EXOC4: variants seen among roughly 807,000 people sequenced by gnomAD.
EXOC4 encodes exocyst complex component 4, also known as SEC8-like 1.
In EXOC4, 71 loss-of-function variants were observed where a neutral mutation model predicts 107.2. The observed-to-expected ratio is 0.66, with a 90% CI of 0.55 to 0.81. The LOEUF (loss-of-function observed/expected upper bound fraction) is 0.81, where lower values mean the gene tolerates loss of function less well. Ranked by LOEUF, EXOC4 falls within the 30% of genes least tolerant of loss-of-function variation. The probability of loss-of-function intolerance (pLI) is 0.00; values close to 1 mark genes in which losing one functional copy is unlikely to be tolerated. For synonymous variants in EXOC4, 456 were observed against 441.2 expected, an observed-to-expected ratio of 1.03 and a Z score of -0.42; for missense variants, 1,108 against 1,189.6, an observed-to-expected ratio of 0.93 and a Z score of 1.01.
intron 17 of EXOC4, among the ~76,000 whole-genome samples, chr7:134,022,633 T>G (rs562979177): frequency 1.3e-5 from 2 of 152,196 alleles, no homozygotes; most frequent in Non-Finnish European, 2.9e-5. Context: ...TCCAGTAAGA[T>G]CTGTAAAGAT....
At chr7:133,923,379 C>G (rs1799982456) in intron 13 of EXOC4, among the ~76,000 whole-genome samples, 1 of 152,080 alleles carries the variant, frequency 6.6e-6, no homozygotes, top group South Asian at 2.1e-4. Flanking sequence ...CTCGGCCTCC[C>G]TTATAGTGTT....
intron 10 of EXOC4, among the ~76,000 whole-genome samples, chr7:133,639,220 T>C (rs1802787364): frequency 6.6e-6 from 1 of 152,172 alleles, no homozygotes; most frequent in Admixed American, 6.5e-5. Context: ...CTTGTATGAT[T>C]TGGAAAATTA....
chr7:133,774,958 C>T (rs976469578), intron 10 of EXOC4, among the ~76,000 whole-genome samples: 1 of 151,588 alleles, frequency 6.6e-6, no homozygotes, highest in Admixed American at 6.6e-5. Flanking sequence ...GCTAACCTGA[C>T]GAAAGTCTAT....
At chr7:134,008,385 G>A (rs988411775) in intron 17 of EXOC4, among the ~76,000 whole-genome samples, 5 of 152,016 alleles carry the variant, frequency 3.3e-5, no homozygotes, top group Admixed American at 2.0e-4. Context: ...CCTTGAAAAC[G>A]TTACTTTTAA....
intron 11 of EXOC4, among the ~76,000 whole-genome samples, chr7:133,871,304 A>G (rs1410946607): frequency 6.6e-6 from 1 of 151,956 alleles, no homozygotes; most frequent in Admixed American, 6.6e-5. Context: ...AACCAAAAAA[A>G]TCACCACAAA....
chr7:134,019,222 G>A (rs1794974933), intron 17 of EXOC4, among the ~76,000 whole-genome samples: 1 of 152,160 alleles, frequency 6.6e-6, no homozygotes, highest in African/African-American at 2.4e-5. Context: ...GAGGCACAGC[G>A]CCCAGCCACG....
intron 9 of EXOC4, among the ~76,000 whole-genome samples, chr7:133,605,128 ATAG>A (rs1378906762): frequency 1.3e-5 from 2 of 152,160 alleles, no homozygotes; most frequent in African/African-American, 4.8e-5. Context: ...GAGCAGCGAA[ATAG>A]TAGGTGTGTC....
intron 9 of EXOC4, among the ~76,000 whole-genome samples, chr7:133,547,740 T>G (rs897650944): frequency 1.3e-5 from 2 of 152,148 alleles, no homozygotes; most frequent in Non-Finnish European, 2.9e-5. Context: ...TATCATGAGA[T>G]TGTAGCAATT....
chr7:133,592,707 A>T (rs1159363068), intron 9 of EXOC4, among the ~76,000 whole-genome samples: 1 of 152,104 alleles, frequency 6.6e-6, no homozygotes, highest in Non-Finnish European at 1.5e-5. Flanking sequence ...GGTTCAAGCG[A>T]TTCTCCTGCC....
intron 10 of EXOC4, among the ~76,000 whole-genome samples, chr7:133,812,421 C>A (rs1402303645): frequency 1.3e-5 from 2 of 152,194 alleles, no homozygotes; most frequent in East Asian, 1.9e-4. Context: ...CATTCCAGGT[C>A]CAAACTCTGG....
intron 11 of EXOC4, among the ~76,000 whole-genome samples, chr7:133,821,688 G>A (rs767142165): frequency 2.0e-5 from 3 of 151,998 alleles, no homozygotes; most frequent in Non-Finnish European, 4.4e-5. Context: ...CTTACTTTTC[G>A]GTACTGCCTC....
chr7:133,315,374 C>T (rs750172369), intron 4 of EXOC4: 1 of 152,228 alleles, frequency 6.6e-6, no homozygotes, highest in Non-Finnish European at 1.5e-5. Flanking sequence ...ATTGTCGATG[C>T]TCTGGAAAGC....
intron 17 of EXOC4, among the ~76,000 whole-genome samples, chr7:134,032,308 T>G (rs1258113087): frequency 6.6e-6 from 1 of 152,226 alleles, no homozygotes; most frequent in Non-Finnish European, 1.5e-5. Context: ...TTGTCGCTGA[T>G]GTCACTGTCC....
intron 7 of EXOC4, 58 bp from the exon 8 acceptor site, chr7:133,475,270 C>G (rs1320176002): frequency 7.1e-7 from 1 of 1,403,998 alleles, no homozygotes; most frequent in Non-Finnish European, 9.9e-7. Flanking sequence ...AATAGTTTTT[C>G]TTAATTGCAC....
the EXOC4 span, among the ~76,000 whole-genome samples, chr7:134,096,733 G>A: frequency 6.6e-6 from 1 of 152,134 alleles, no homozygotes; most frequent in East Asian, 1.9e-4. Flanking sequence ...ATGTAGGCTG[G>A]AAGACTCAGC....
At chr7:133,846,454 A>G (rs1022977523) in intron 11 of EXOC4, among the ~76,000 whole-genome samples, 91 of 152,222 alleles carry the variant, frequency 6.0e-4, no homozygotes, top group African/African-American at 2.1e-3. Flanking sequence ...GAGTCCTTGC[A>G]TGCTATGTGG....
In EXOC4 at chr7:133,857,185, TA is replaced by T. The variant is rs1244116366; in HGVS notation, c.1735-38413del. Among the ~76,000 whole-genome samples, 191 of 47,976 alleles carry T rather than the reference TA, an allele frequency of 4.0e-3. 11 individuals carry two copies. The highest frequency in any genetic ancestry group is 5.4e-3 in the Non-Finnish European group (145 of 26,652). The allele number at this position is 47,976 out of a possible 152,430, so 31.5% of individuals were successfully genotyped here. A position where few individuals can be genotyped will look rare whatever the true frequency, so the allele number is the denominator to read the frequency against. ...ATATATATATATATATATATATATA[TA>T]TATATATATATATATTTTACCTCTA... is the stretch of plus-strand genomic sequence containing the variant. On this transcript the variant is annotated intron_variant, in intron 11 of 17. Coordinates refer to ENST00000253861, the MANE Select transcript of EXOC4 (RefSeq NM_021807.4).
chr7:133,409,371 C>CT (rs1396398773), intron 7 of EXOC4, among the ~76,000 whole-genome samples: 1 of 152,144 alleles, frequency 6.6e-6, no homozygotes, highest in Non-Finnish European at 1.5e-5. Flanking sequence ...GTGCTACATG[C>CT]TATAAGCACA....
chr7:133,982,998 A>T (rs1177689682), intron 14 of EXOC4, among the ~76,000 whole-genome samples: 2 of 152,216 alleles, frequency 1.3e-5, no homozygotes, highest in Non-Finnish European at 2.9e-5. Flanking sequence ...TTTGTAAGAA[A>T]ACAGATTTAA....
Sources: gnomAD v4.1 joint callset for allele counts (sites outside exome capture counted in the v4.1 genomes callset) on GRCh38, gnomAD v4.1.1 for gene constraint, MANE v1.5 for transcripts, NCBI Gene and HGNC (gene_info 2026-07-23, HGNC 2026-07-21) for gene names.